Variants in INPP4B observed in about 807,000 individuals in gnomAD.
INPP4B encodes the protein inositol polyphosphate-4-phosphatase type II B.
Under a neutral mutation model 122.5 loss-of-function variants are expected in INPP4B, and 55 were observed. The observed-to-expected ratio is 0.45, with a 90% CI of 0.36 to 0.56. INPP4B has a LOEUF of 0.56. Among genes scored for constraint, INPP4B ranks in the 20% least tolerant of loss-of-function variants. The pLI is 0.00. For synonymous variants in INPP4B, 403 were observed against 388.7 expected (o/e 1.04, Z -0.43); for missense variants, 1,000 against 1,097.7 (o/e 0.91, Z 1.26).
intron 7 of INPP4B, among the ~76,000 whole-genome samples, chr4:142,346,378 G>C (rs887422475): frequency 4.6e-5 from 7 of 151,802 alleles, no homozygotes; most frequent in African/African-American, 1.7e-4. Flanking sequence ...GGAACAAGAA[G>C]GCTTAGAAAG....
At chr4:142,405,965 C>CT (rs1201590879) in intron 5 of INPP4B, among the ~76,000 whole-genome samples, 2 of 152,126 alleles carry the variant, frequency 1.3e-5, no homozygotes, top group Admixed American at 6.5e-5. Flanking sequence ...AAGTTAAAAA[C>CT]TTTCCCTTGA....
intron 7 of INPP4B, among the ~76,000 whole-genome samples, chr4:142,324,106 T>C (rs1470659925): frequency 6.6e-6 from 1 of 152,090 alleles, no homozygotes; most frequent in Non-Finnish European, 1.5e-5. Flanking sequence ...AAAGAGGAGA[T>C]ACCAGAAAAG....
chr4:142,213,004 T>C (rs978032479), intron 12 of INPP4B, among the ~76,000 whole-genome samples: 13 of 152,218 alleles, frequency 8.5e-5, no homozygotes, highest in African/African-American at 3.1e-4. Flanking sequence ...ATCAGGCCTA[T>C]GGCTGTTGTG....
intron 7 of INPP4B, among the ~76,000 whole-genome samples, chr4:142,324,929 T>A (rs1034072666): frequency 6.6e-6 from 1 of 152,180 alleles, no homozygotes; most frequent in Admixed American, 6.5e-5. Flanking sequence ...AAAGCTTTTT[T>A]GATTTCTCTT....
At chr4:142,422,468 G>C (rs1243306336) in intron 5 of INPP4B, among the ~76,000 whole-genome samples, 4 of 151,922 alleles carry the variant, frequency 2.6e-5, no homozygotes, top group Non-Finnish European at 5.9e-5. Flanking sequence ...GAAAATGGTA[G>C]TTCAGGGAAA....
intron 1 of INPP4B, among the ~76,000 whole-genome samples, chr4:142,752,971 C>T (rs1580837803): frequency 6.6e-6 from 1 of 152,158 alleles, no homozygotes; most frequent in East Asian, 1.9e-4. Context: ...ATCTATAGAT[C>T]TGGTTCAGAA....
chr4:142,806,775 GAAAGAAAGAAGGAAAGA>G (rs1778829020), intron 1 of INPP4B, among the ~76,000 whole-genome samples: 1 of 63,646 alleles, frequency 1.6e-5, no homozygotes, highest in Non-Finnish European at 3.6e-5. Flanking sequence ...AAGAAAGAAA[GAAAGAAAGAAGGAAAGA>G]AAGAAAGAAA....
intron 2 of INPP4B, among the ~76,000 whole-genome samples, chr4:142,556,532 G>C (rs962083946): frequency 3.3e-5 from 5 of 152,152 alleles, no homozygotes; most frequent in Non-Finnish European, 5.9e-5. Flanking sequence ...CATAAAGAAA[G>C]AATCTGAGGC....
intron 10 of INPP4B, among the ~76,000 whole-genome samples, chr4:142,270,296 G>C (rs1019144652): frequency 6.6e-6 from 1 of 152,184 alleles, no homozygotes; most frequent in Non-Finnish European, 1.5e-5. Flanking sequence ...TTTGGGAGTA[G>C]AGAACAAGTT....
intron 2 of INPP4B, among the ~76,000 whole-genome samples, chr4:142,515,194 TGAA>T (rs1232756353): frequency 6.6e-6 from 1 of 152,154 alleles, no homozygotes; most frequent in Non-Finnish European, 1.5e-5. Flanking sequence ...AATGGCCTCC[TGAA>T]ACTCTTGCCT....
intron 2 of INPP4B, among the ~76,000 whole-genome samples, chr4:142,473,609 C>T (rs1444226592): frequency 3.3e-5 from 5 of 152,210 alleles, no homozygotes; most frequent in African/African-American, 4.8e-5. Flanking sequence ...CAACAGAGGT[C>T]GCAGTTTGGT....
chr4:142,231,365 T>C (rs926926133), intron 12 of INPP4B, among the ~76,000 whole-genome samples: 2 of 152,208 alleles, frequency 1.3e-5, no homozygotes, highest in African/African-American at 2.4e-5. Flanking sequence ...ACAGTGCACA[T>C]ATACGTGATT....
intron 15 of INPP4B, among the ~76,000 whole-genome samples, chr4:142,182,130 A>G (rs1230201877): frequency 6.6e-6 from 1 of 152,170 alleles, no homozygotes; most frequent in East Asian, 1.9e-4. Flanking sequence ...ACAGAAGTCT[A>G]ATTTTCTAGC....
chr4:142,539,880 A>G (rs1413936518), intron 2 of INPP4B, among the ~76,000 whole-genome samples: 1 of 152,038 alleles, frequency 6.6e-6, no homozygotes, highest in African/African-American at 2.4e-5. Flanking sequence ...TACGTAGGGA[A>G]AAAAATTACT....
intron 9 of INPP4B, among the ~76,000 whole-genome samples, chr4:142,292,165 T>C (rs1756752429): frequency 6.6e-6 from 1 of 152,200 alleles, no homozygotes. Flanking sequence ...TAGGAGATCC[T>C]TTTCTTTAAA....
intron 2 of INPP4B, among the ~76,000 whole-genome samples, chr4:142,536,027 G>T (rs1828155164): frequency 6.6e-6 from 1 of 152,112 alleles, no homozygotes; most frequent in African/African-American, 2.4e-5. Flanking sequence ...TATTTAGAGG[G>T]TTCTGCTCTA....
At chr4:142,118,502 C>T (rs937268310) in intron 21 of INPP4B, among the ~76,000 whole-genome samples, 1 of 152,066 alleles carries the variant, frequency 6.6e-6, no homozygotes, top group Admixed American at 6.6e-5. Context: ...CATCTACAAC[C>T]ACCTGATCTT....
At chr4:142,044,075 G>A (rs562525035) in intron 25 of INPP4B, among the ~76,000 whole-genome samples, 374 of 80,362 alleles carry the variant, frequency 4.7e-3, no homozygotes, top group Non-Finnish European at 2.8e-3. Context: ...ATTTTAGATA[G>A]AAGATCAGAA....
At chr4:142,511,891 G>A (rs895263048) in intron 2 of INPP4B, among the ~76,000 whole-genome samples, 2 of 152,094 alleles carry the variant, frequency 1.3e-5, no homozygotes, top group African/African-American at 4.8e-5. Flanking sequence ...GAGCTTTAAA[G>A]TTACTTCTAA....
Sources: allele counts gnomAD v4.1 joint callset (sites outside exome capture counted in the v4.1 genomes callset), GRCh38; gene constraint gnomAD v4.1.1; transcripts MANE v1.5; gene names NCBI Gene and HGNC (gene_info 2026-07-23, HGNC 2026-07-21).